The following BAZ2B variants were observed in gnomAD, a reference collection of about 807,000 sequenced individuals.
BAZ2B encodes the protein bromodomain adjacent to zinc finger domain 2B, also known as bromodomain adjacent to zinc finger domain protein 2B.
Under a neutral mutation model 246.0 loss-of-function variants are expected in BAZ2B, and 91 were observed. The observed-to-expected ratio is 0.37, with a 90% CI of 0.31 to 0.44. The LOEUF (loss-of-function observed/expected upper bound fraction) is 0.44. Ranked by LOEUF, BAZ2B falls within the 20% of genes least tolerant of loss-of-function variation. BAZ2B has a pLI of 1.00. For missense variants in BAZ2B, 2,332 were observed against 2,533.7 expected (o/e 0.92, Z 1.71); for synonymous variants, 855 against 860.0 (o/e 0.99, Z 0.10).
intron 3 of BAZ2B, among the ~76,000 whole-genome samples, chr2:159,469,630 G>A (rs965171002): frequency 1.4e-4 from 21 of 151,944 alleles, no homozygotes; most frequent in African/African-American, 3.9e-4. Context: ...TAGTAGAGAC[G>A]CGGTTTCATC....
intron 36 of BAZ2B, chr2:159,321,962 T>C (rs971273458): frequency 6.6e-6 from 1 of 152,208 alleles, no homozygotes; most frequent in Non-Finnish European, 1.5e-5. Flanking sequence ...TTTTCCATGA[T>C]GTGATTATTA....
intron 6 of BAZ2B, among the ~76,000 whole-genome samples, chr2:159,439,485 C>T (rs796414323): frequency 2.0e-5 from 3 of 151,144 alleles, no homozygotes; most frequent in Non-Finnish European, 3.0e-5. Context: ...GACTGTTATT[C>T]TTCAAAATGT....
intron 22 of BAZ2B, among the ~76,000 whole-genome samples, chr2:159,385,943 C>T (rs1382577892): frequency 6.6e-6 from 1 of 152,154 alleles, no homozygotes; most frequent in Non-Finnish European, 1.5e-5. Context: ...CTGAGCAGCA[C>T]AGGGTCTTAA....
chr2:159,318,483 G>T (rs4665057), downstream of BAZ2B, among the ~76,000 whole-genome samples: 1 of 152,054 alleles, frequency 6.6e-6, no homozygotes, highest in South Asian at 2.1e-4. Flanking sequence ...ATAAAAAGCA[G>T]TGGACATTAT....
At chr2:159,353,273 C>A (rs1265198069) in intron 27 of BAZ2B, among the ~76,000 whole-genome samples, 3 of 152,172 alleles carry the variant, frequency 2.0e-5, no homozygotes, top group African/African-American at 4.8e-5. Flanking sequence ...TATAGAGTAA[C>A]AGGGACTAGA....
chr2:159,667,226 G>GT, the BAZ2B span, among the ~76,000 whole-genome samples: 1 of 150,394 alleles, frequency 6.6e-6, no homozygotes, highest in Non-Finnish European at 1.5e-5. Flanking sequence ...TTAATTTTGA[G>GT]TTTTTTTCTT....
At chr2:159,502,197 C>G (rs1044088597) in intron 2 of BAZ2B, among the ~76,000 whole-genome samples, 1 of 151,852 alleles carries the variant, frequency 6.6e-6, no homozygotes, top group African/African-American at 2.4e-5. Flanking sequence ...GATATTGGGT[C>G]TGTTTGGGGG....
chr2:159,360,407 G>T (rs60029579), intron 27 of BAZ2B, among the ~76,000 whole-genome samples: 3 of 152,070 alleles, frequency 2.0e-5, no homozygotes, highest in Admixed American at 6.5e-5. Context: ...GGGATGTGAA[G>T]GACCTCTTCA....
At chr2:159,472,820 T>C (rs886421413) in intron 3 of BAZ2B, among the ~76,000 whole-genome samples, 7 of 152,242 alleles carry the variant, frequency 4.6e-5, no homozygotes, top group African/African-American at 1.7e-4. Context: ...CAGCCTTGCA[T>C]CCCAGGGATG....
intron 27 of BAZ2B, among the ~76,000 whole-genome samples, chr2:159,353,216 C>T (rs1043664015): frequency 6.6e-6 from 1 of 152,146 alleles, no homozygotes; most frequent in East Asian, 1.9e-4. Context: ...AAATTAGTTT[C>T]TAGTTGAAAT....
At chr2:159,594,413 A>G (rs1233290027) in intron 1 of BAZ2B, among the ~76,000 whole-genome samples, 5 of 152,248 alleles carry the variant, frequency 3.3e-5, no homozygotes, top group African/African-American at 9.6e-5. Context: ...TCTCAAAAAA[A>G]AAAAGTAATT....
intron 13 of BAZ2B, among the ~76,000 whole-genome samples, chr2:159,423,765 C>G (rs1336052821): frequency 6.6e-6 from 1 of 152,216 alleles, no homozygotes; most frequent in Non-Finnish European, 1.5e-5. Flanking sequence ...AATGCAGGAA[C>G]AGAAAACTAA....
intron 3 of BAZ2B, chr2:159,460,029 T>C (rs923069786): frequency 2.6e-5 from 4 of 152,120 alleles, no homozygotes; most frequent in Non-Finnish European, 5.9e-5. Context: ...TAGGTAACTG[T>C]ATACATTTTA....
At chr2:159,381,834 G>A (rs534082098) in intron 25 of BAZ2B, among the ~76,000 whole-genome samples, 117 of 152,260 alleles carry the variant, frequency 7.7e-4, no homozygotes, top group African/African-American at 2.6e-3. Context: ...AGCACATTGT[G>A]GTTTCCTGCT....
intron 14 of BAZ2B, among the ~76,000 whole-genome samples, chr2:159,409,578 TG>T (rs779427620): frequency 6.6e-6 from 1 of 152,192 alleles, no homozygotes; most frequent in Non-Finnish European, 1.5e-5. Context: ...AAATTAAGTC[TG>T]GTTTTTCAGT....
intron 3 of BAZ2B, among the ~76,000 whole-genome samples, chr2:159,474,624 G>A (rs2078261980): frequency 6.6e-6 from 1 of 152,146 alleles, no homozygotes; most frequent in Non-Finnish European, 1.5e-5. Context: ...TATTTTGTCT[G>A]TTAGTTGGTG....
At chr2:159,673,552 A>G in the BAZ2B span, among the ~76,000 whole-genome samples, 1 of 152,236 alleles carries the variant, frequency 6.6e-6, no homozygotes, top group African/African-American at 2.4e-5. Flanking sequence ...ATGTATGTAC[A>G]AGGTGATGAA....
chr2:159,388,239 T>C (rs1299807842), intron 21 of BAZ2B, among the ~76,000 whole-genome samples: 1 of 152,078 alleles, frequency 6.6e-6, no homozygotes, highest in African/African-American at 2.4e-5. Context: ...TTAAGTATAA[T>C]AATATAGAGA....
chr2:159,663,966 G>T, the BAZ2B span, among the ~76,000 whole-genome samples: 1 of 89,584 alleles, frequency 1.1e-5, no homozygotes, highest in Non-Finnish European at 2.1e-5. Flanking sequence ...ATGCTGGTGC[G>T]CTGCACCCAC....
Sources: gnomAD v4.1 joint callset for allele counts (sites outside exome capture counted in the v4.1 genomes callset) on GRCh38, gnomAD v4.1.1 for gene constraint, MANE v1.5 for transcripts, NCBI Gene and HGNC (gene_info 2026-07-23, HGNC 2026-07-21) for gene names.